Variants in PTCD1 observed in about 807,000 individuals in gnomAD.
The protein encoded by PTCD1 is pentatricopeptide repeat domain 1, also known as pentatricopeptide repeat-containing protein 1, mitochondrial.
PTCD1 carries 50 observed loss-of-function variants against 53.4 expected under a neutral mutation model. That is an observed-to-expected ratio of 0.94 (90% CI 0.75 to 1.19). PTCD1 has a LOEUF of 1.19. Ranked by LOEUF, PTCD1 falls within the 50% of genes most tolerant of loss-of-function variation. The probability of loss-of-function intolerance (pLI) is 0.00; values close to 1 mark genes in which losing one functional copy is unlikely to be tolerated. For synonymous variants in PTCD1, 413 were observed against 394.8 expected (o/e 1.05, Z -0.55); for missense variants, 918 against 904.8 (o/e 1.01, Z -0.19).
intron 3 of PTCD1, among the ~76,000 whole-genome samples, chr7:99,432,293 G>C (rs1224581637): frequency 1.3e-5 from 2 of 152,190 alleles, no homozygotes; most frequent in East Asian, 3.9e-4. Context: ...GAATGTCTTG[G>C]GTGTAAAACC....
chr7:99,417,405 G>A lies in PTCD1; in HGVS notation c.*2562C>T, dbSNP rs940679358. ...GAAGGTTTTTAGACCATGGCCTGAT[G>A]CTCTTTCCCCATCTTTTTGACAGAA... On this transcript the variant is annotated 3_prime_UTR_variant, in exon 8 of 8. Transcript: ENST00000292478. 6.2e-7 allele frequency: 1 copy of A among 1,611,198 alleles called. No individual in the cohort carries two copies. The highest frequency in any genetic ancestry group is 8.5e-7 in the Non-Finnish European group (1 of 1,177,678).
Position 99,419,349 on chromosome 7 carries a change from C to T in PTCD1, c.*618G>A, listed in dbSNP as rs373608672. The T allele has an allele frequency of 2.3e-4, 366 of 1,608,530 alleles. No homozygotes were observed. The highest frequency in any genetic ancestry group is 3.0e-4 in the Non-Finnish European group (348 of 1,177,146). ...ACATATGTGAGTGTGCAGGGGCGAG[C>T]GTGGCGCAGTGGCATCGTCTCACTG... On this transcript the variant is annotated 3_prime_UTR_variant, in exon 8 of 8. Coordinates refer to ENST00000292478, the MANE Select transcript of PTCD1 (RefSeq NM_015545.4).
chr7:99,419,296 G>A lies in PTCD1; in HGVS notation c.*671C>T. Reference sequence around the variant, plus strand: ...CTGAGGTGTGTCCCTATATGGCATGGTGGCAGGTCCTTCGTGGGAGGGTTG... The same window carrying A: ...CTGAGGTGTGTCCCTATATGGCATGATGGCAGGTCCTTCGTGGGAGGGTTG... On this transcript the variant is annotated 3_prime_UTR_variant, in exon 8 of 8. Transcript: ENST00000292478. 1.4e-6 allele frequency: 2 copies of A among 1,457,036 alleles called. No homozygotes were observed. The highest frequency in any genetic ancestry group is 2.3e-5 in the East Asian group (1 of 44,066). 90.3% of individuals were successfully genotyped at this position (1,457,036 alleles called of 1,614,324 possible). A position where few individuals can be genotyped will look rare whatever the true frequency, so the allele number is the denominator to read the frequency against.
At chr7:99,429,247 G>A in intron 4 of PTCD1, 43 bp from the exon 5 acceptor site, 1 of 1,607,728 alleles carries the variant, frequency 6.2e-7, no homozygotes, top group Non-Finnish European at 8.5e-7. Context: ...ACCTGCAGCA[G>A]GCTGGGCATG....
intron 4 of PTCD1, 131 bp downstream of exon 4, chr7:99,429,457 C>A: frequency 7.2e-7 from 1 of 1,390,678 alleles, no homozygotes. Context: ...TCTGTGAACC[C>A]CAGGGCCCAA....
chr7:99,429,327 T>G (rs1796173402), intron 4 of PTCD1, 123 bp from the exon 5 acceptor site: 1 of 1,324,256 alleles, frequency 7.6e-7, no homozygotes, highest in Admixed American at 1.9e-5. Context: ...CCAGGAGTTT[T>G]GTGACCAGCC....
chr7:99,425,049 CG>C lies in PTCD1; in HGVS notation c.1482del (p.Glu495ArgfsTer22). The C allele has an allele frequency of 6.2e-7, 1 of 1,614,186 alleles. No individual in the cohort carries two copies. Among genetic ancestry groups the C allele is most frequent in the Non-Finnish European group, 8.5e-7 (1 of 1,180,034 alleles). On this transcript the variant is annotated frameshift_variant, in exon 6 of 8. Transcript: ENST00000292478. LOFTEE classifies it high-confidence loss of function. ...QPDIRTLTLL[A>X]EVVESGSPAE... ...GCAGGACTCCCGGACTCCACCACCT[CG>C]GCCAGTAGCGTGAGGGTCCTGATGT...
rs371698545 is a variant in PTCD1 at position 99,419,614 on chromosome 7, C to G, written c.*353G>C. The stretch of plus-strand genomic sequence containing the variant: ...GTAAAAATAAAATCTTTAAATCTCT[C>G]GAGCCCCACGTCTCTTCTTTCAGAG... On this transcript the variant is annotated 3_prime_UTR_variant, in exon 8 of 8. Coordinates refer to ENST00000292478, the MANE Select transcript of PTCD1 (RefSeq NM_015545.4). 3 of 835,180 alleles carry G rather than the reference C, an allele frequency of 3.6e-6. No homozygotes were observed. The highest frequency in any genetic ancestry group is 5.5e-6 in the Non-Finnish European group (3 of 544,630). The allele number at this position is 835,180 out of a possible 1,614,324, so 51.7% of individuals were successfully genotyped here.
chr7:99,431,438 G>GT (rs1796245647), intron 3 of PTCD1, among the ~76,000 whole-genome samples: 1 of 146,864 alleles, frequency 6.8e-6, no homozygotes, highest in Non-Finnish European at 1.5e-5. Flanking sequence ...AAAAATAATA[G>GT]TTTTTTAAAA....
At chr7:99,420,485 C>T (rs921672096) in intron 7 of PTCD1, among the ~76,000 whole-genome samples, 8 of 152,190 alleles carry the variant, frequency 5.3e-5, no homozygotes, top group Admixed American at 3.9e-4. Context: ...CACAGCCTGC[C>T]GAGCCCCTCC....
At chr7:99,430,540 G>A (rs938247566) in intron 3 of PTCD1, among the ~76,000 whole-genome samples, 1 of 152,234 alleles carries the variant, frequency 6.6e-6, no homozygotes, top group African/African-American at 2.4e-5. Flanking sequence ...TTCAAGTGGG[G>A]TGGCCTTGGA....
rs749800855 is a variant in PTCD1, at chr7:99,429,692, G to T, written c.709C>A (p.Gln237Lys). Residue 237 changes from glutamine (Q) to lysine (K), a missense_variant, in exon 4 of 8, where the codon CAG becomes AAG. Physicochemically the swap from Gln to Lys is moderately conservative, Grantham distance 53. Coordinates refer to ENST00000292478, the MANE Select transcript of PTCD1 (RefSeq NM_015545.4). ...AGCTCGAAGTTTTTGGCCTGCAGCT[G>T]CTGCCGGAGCTTCAGGGCGCTCTGT... ...ALQSALKLRQQLQAKNFELNL... is the reference protein window; with the variant it reads ...ALQSALKLRQKLQAKNFELNL... 1.9e-5 allele frequency: 31 copies of T among 1,614,096 alleles called. No individual in the cohort carries two copies. The Admixed American group carries it at 5.0e-4, about 26-fold the overall frequency.
At chr7:99,435,333 G>T in intron 1 of PTCD1, 65 bp from the exon 2 acceptor site, 2 of 1,579,750 alleles carry the variant, frequency 1.3e-6, no homozygotes, top group Non-Finnish European at 8.6e-7. Flanking sequence ...CAGAAAGAAA[G>T]AAGTGGTTAC....
In PTCD1 at chr7:99,422,736, C is replaced by T. The variant is rs543608590; in HGVS notation, c.1920+1039G>A. On this transcript the variant is annotated intron_variant, in intron 7 of 7. Transcript: ENST00000292478. ...GAGCCAGATATGTTCAACGTGGGGG[C>T]CCCATCTTCCCTTCTTTGTTGCCAT... Among the ~76,000 whole-genome samples, 7 of 152,298 alleles carry T rather than the reference C, an allele frequency of 4.6e-5. No homozygotes were observed. In the East Asian group the frequency reaches 1.2e-3, roughly 25 times the overall value.
chr7:99,423,986 G>C, intron 6 of PTCD1, 29 bp from the exon 7 acceptor site: 1 of 1,610,144 alleles, frequency 6.2e-7, no homozygotes, highest in African/African-American at 1.3e-5. Context: ...GTAGAATCAA[G>C]ATGATGGCAG....
rs1222321807 is a variant in PTCD1 at position 99,419,547 on chromosome 7, G to C, written c.*420C>G. On this transcript the variant is annotated 3_prime_UTR_variant, in exon 8 of 8. Transcript: ENST00000292478. ...GTGCCCCAGGCCCGAGTTGGAGCAC[G>C]GTCTCTATGGGGAAGGCTTCGCTGT... 1 of 1,284,908 alleles carries C rather than the reference G, an allele frequency of 7.8e-7. No individual in the cohort carries two copies. Among genetic ancestry groups the C allele is most frequent in the South Asian group, 1.2e-5 (1 of 83,548 alleles). The allele number at this position is 1,284,908 out of a possible 1,614,324, so 79.6% of individuals were successfully genotyped here.
chr7:99,424,899 C>T lies in PTCD1; in HGVS notation c.1633G>A (p.Val545Ile). The part of the protein sequence containing the change: ...DLEGAKALLP[V>I]LAKRGLVPNL... ...GGGACGAGGCCCCTCTTTGCCAGGA[C>T]CGGCAACAGCGCCTTGGCCCCCTCC... The change falls in exon 6 of 8, where the codon GTC becomes ATC. Residue 545 changes from valine to isoleucine, a missense_variant. Val to Ile is a conservative substitution (Grantham distance 29). Coordinates refer to ENST00000292478, the MANE Select transcript of PTCD1 (RefSeq NM_015545.4). The T allele has an allele frequency of 6.2e-7, 1 of 1,614,264 alleles. No individual in the cohort carries two copies.
chr7:99,423,628 A>G, intron 7 of PTCD1, 147 bp downstream of exon 7: 1 of 1,274,418 alleles, frequency 7.8e-7, no homozygotes, highest in Non-Finnish European at 1.1e-6. Context: ...TGTGGTCTAC[A>G]GACTTGGGTA....
rs1584448222 is a variant in PTCD1 at position 99,419,800 on chromosome 7, C to T, written c.*167G>A. 5.9e-6 allele frequency: 7 copies of T among 1,177,128 alleles called. No homozygotes were observed. In the South Asian group the frequency reaches 8.9e-5, roughly 15 times the overall value. The allele number at this position is 1,177,128 out of a possible 1,614,324, so 72.9% of individuals were successfully genotyped here. A position where few individuals can be genotyped will look rare whatever the true frequency, so the allele number is the denominator to read the frequency against. On this transcript the variant is annotated 3_prime_UTR_variant, in exon 8 of 8. Coordinates refer to ENST00000292478, the MANE Select transcript of PTCD1 (RefSeq NM_015545.4). ...GAGCTGCACTTGGACCTGCTGGGAG[C>T]ACAGGCACCTTGGGCCTAGTGTGTG...
Sources: gnomAD v4.1 joint callset for allele counts (sites outside exome capture counted in the v4.1 genomes callset) on GRCh38, gnomAD v4.1.1 for gene constraint, MANE v1.5 for transcripts, NCBI Gene and HGNC (gene_info 2026-07-23, HGNC 2026-07-21) for gene names.